The following CAMKMT variants were observed in gnomAD, a reference collection of about 807,000 sequenced individuals.
CAMKMT encodes calmodulin-lysine N-methyltransferase, also known as CaM KMT.
CAMKMT carries 53 observed loss-of-function variants against 48.0 expected under a neutral mutation model. The observed-to-expected ratio is 1.10, with a 90% CI of 0.89 to 1.39. The LOEUF (loss-of-function observed/expected upper bound fraction) is 1.39, where lower values mean the gene tolerates loss of function less well. CAMKMT is among the 40% of genes most tolerant of loss of function. The pLI is 0.00. For synonymous variants in CAMKMT, 165 were observed against 152.3 expected (o/e 1.08, Z -0.61); for missense variants, 428 against 402.7 (o/e 1.06, Z -0.54).
intron 3 of CAMKMT, among the ~76,000 whole-genome samples, chr2:44,660,928 G>A (rs1230510635): frequency 6.6e-6 from 1 of 152,140 alleles, no homozygotes. Flanking sequence ...GCAATATATG[G>A]CATCAATGTT....
intron 3 of CAMKMT, among the ~76,000 whole-genome samples, chr2:44,597,624 G>C (rs1206117180): frequency 6.6e-6 from 1 of 152,130 alleles, no homozygotes; most frequent in Non-Finnish European, 1.5e-5. Flanking sequence ...AATGTTACAA[G>C]TGTGTTAAAT....
chr2:44,458,042 C>CTTTTTTTTTTTTTTTT (rs541348745), intron 3 of CAMKMT, among the ~76,000 whole-genome samples: 2 of 75,396 alleles, frequency 2.7e-5, no homozygotes, highest in Non-Finnish European at 4.9e-5. Context: ...AGCTTTGTGA[C>CTTTTTTTTTTTTTTTT]TTTTTTTTTT....
chr2:44,682,627 A>T (rs1223831310), intron 3 of CAMKMT, among the ~76,000 whole-genome samples: 1 of 152,170 alleles, frequency 6.6e-6, no homozygotes, highest in African/African-American at 2.4e-5. Context: ...GATTCCCCCT[A>T]TCTTGGCATT....
At chr2:44,611,568 A>G (rs912030026) in intron 3 of CAMKMT, among the ~76,000 whole-genome samples, 1 of 152,134 alleles carries the variant, frequency 6.6e-6, no homozygotes, top group African/African-American at 2.4e-5. Flanking sequence ...TAATTTAAGA[A>G]CTCGTGTTCT....
intron 4 of CAMKMT, chr2:44,705,293 AT>A (rs1677490710): frequency 2.1e-6 from 2 of 946,634 alleles, no homozygotes; most frequent in Non-Finnish European, 1.3e-6. Flanking sequence ...CTCTCTTTTA[AT>A]TTTGCTTTTT....
chr2:44,423,661 G>T (rs1224479867), intron 3 of CAMKMT, among the ~76,000 whole-genome samples: 2 of 152,294 alleles, frequency 1.3e-5, no homozygotes, highest in Non-Finnish European at 2.9e-5. Flanking sequence ...TGGAGAGCAG[G>T]AAGTTTTAAT....
intron 2 of CAMKMT, among the ~76,000 whole-genome samples, chr2:44,382,881 G>C (rs568864839): frequency 6.6e-6 from 1 of 152,298 alleles, no homozygotes; most frequent in African/African-American, 2.4e-5. Context: ...CAGTTTACAC[G>C]TATTCTCTTA....
chr2:44,364,649 A>G (rs903229384), intron 1 of CAMKMT, among the ~76,000 whole-genome samples: 1 of 152,176 alleles, frequency 6.6e-6, no homozygotes, highest in African/African-American at 2.4e-5. Flanking sequence ...TCCTTAGTGT[A>G]TTTTATCAGT....
At chr2:44,574,899 C>G (rs1028926646) in intron 3 of CAMKMT, among the ~76,000 whole-genome samples, 1 of 151,724 alleles carries the variant, frequency 6.6e-6, no homozygotes, top group Non-Finnish European at 1.5e-5. Flanking sequence ...AGCCACCACG[C>G]CCAGCTAACT....
chr2:44,453,280 C>G (rs564524375), intron 3 of CAMKMT, among the ~76,000 whole-genome samples: 44 of 152,032 alleles, frequency 2.9e-4, no homozygotes, highest in African/African-American at 1.1e-3. Flanking sequence ...TTTGTTTTAC[C>G]TGCTATTAAT....
intron 2 of CAMKMT, among the ~76,000 whole-genome samples, chr2:44,381,897 T>C (rs142644529): frequency 6.6e-6 from 1 of 152,208 alleles, no homozygotes; most frequent in African/African-American, 2.4e-5. Flanking sequence ...TTTTTTGGAT[T>C]TCAATACTGT....
intron 9 of CAMKMT, among the ~76,000 whole-genome samples, chr2:44,758,715 GACTC>G (rs1259593668): frequency 6.6e-6 from 1 of 152,168 alleles, no homozygotes; most frequent in Non-Finnish European, 1.5e-5. Context: ...TTGATAGGGT[GACTC>G]ACTGTCATTG....
intron 3 of CAMKMT, among the ~76,000 whole-genome samples, chr2:44,660,315 A>G (rs1674611567): frequency 1.3e-5 from 2 of 152,198 alleles, no homozygotes; most frequent in Admixed American, 1.3e-4. Context: ...TATCATTACT[A>G]TTATTATCGT....
At chr2:44,447,699 A>T in intron 3 of CAMKMT, among the ~76,000 whole-genome samples, 1 of 152,224 alleles carries the variant, frequency 6.6e-6, no homozygotes, top group East Asian at 1.9e-4. Context: ...TTCACATCTT[A>T]TTGGCCAGAG....
At chr2:44,466,316 A>G (rs1668109833) in intron 3 of CAMKMT, among the ~76,000 whole-genome samples, 1 of 152,206 alleles carries the variant, frequency 6.6e-6, no homozygotes, top group Admixed American at 6.5e-5. Flanking sequence ...GATTGAAATC[A>G]CTTTATGTAT....
intron 3 of CAMKMT, among the ~76,000 whole-genome samples, chr2:44,478,978 C>T (rs1303395665): frequency 3.9e-5 from 6 of 152,152 alleles, no homozygotes; most frequent in East Asian, 3.9e-4. Flanking sequence ...GGATTACAGG[C>T]GTGAGCCACC....
At chr2:44,562,594 T>A (rs1037464431) in intron 3 of CAMKMT, among the ~76,000 whole-genome samples, 2 of 152,134 alleles carry the variant, frequency 1.3e-5, no homozygotes, top group African/African-American at 4.8e-5. Context: ...AGAATCTCAC[T>A]CTGTCACCTA....
At chr2:44,416,441 A>G (rs1683556301) in intron 3 of CAMKMT, among the ~76,000 whole-genome samples, 1 of 151,954 alleles carries the variant, frequency 6.6e-6, no homozygotes, top group Non-Finnish European at 1.5e-5. Context: ...CCAGTCAAAT[A>G]CTACTTCTCG....
At chr2:44,587,937 C>G (rs1405383008) in intron 3 of CAMKMT, among the ~76,000 whole-genome samples, 1 of 112,098 alleles carries the variant, frequency 8.9e-6, no homozygotes, top group East Asian at 2.2e-4. Flanking sequence ...GCCTGGTCCC[C>G]CATCGTCTGG....
Sources: gnomAD v4.1 joint callset for allele counts (sites outside exome capture counted in the v4.1 genomes callset) on GRCh38, gnomAD v4.1.1 for gene constraint, MANE v1.5 for transcripts, NCBI Gene and HGNC (gene_info 2026-07-23, HGNC 2026-07-21) for gene names.